Variants in SEPTIN3 observed in about 807,000 individuals in gnomAD.
The protein encoded by SEPTIN3 is neuronal-specific septin-3.
A neutral mutation model predicts 45.1 loss-of-function variants in SEPTIN3; 15 were observed. That is an observed-to-expected ratio of 0.33 (90% CI 0.22 to 0.51). The LOEUF is 0.51. SEPTIN3 is among the 20% of genes least tolerant of loss of function. The pLI, the probability that SEPTIN3 is intolerant of heterozygous loss-of-function variation, is 0.97. For synonymous variants in SEPTIN3, 148 were observed against 164.8 expected, an observed-to-expected ratio of 0.90 and a Z score of 0.78; for missense variants, 289 against 457.2, an observed-to-expected ratio of 0.63 and a Z score of 3.35.
chr22:41,994,448 C>G lies in SEPTIN3; in HGVS notation c.2411+107C>G, dbSNP rs566730621. 2.0e-6 allele frequency: 3 copies of G among 1,499,076 alleles called. No homozygotes were observed. Among genetic ancestry groups the G allele is most frequent in the African/African-American group, 1.4e-5 (1 of 72,320 alleles). 92.9% of individuals were successfully genotyped at this position (1,499,076 alleles called of 1,614,324 possible). On this transcript the variant is annotated intron_variant, in intron 10 of 11. Coordinates refer to ENST00000644076, the MANE Select transcript of SEPTIN3 (RefSeq NM_001363845.2). This position sits in a 1 kb window ranked among gnomAD's most constrained non-coding sequence, Gnocchi z 4.2. ...GCATCTCCAGGTCTCTCTGACAGAGCTTTCTGCCCCAGTTCCAGCTCCTGT... is the reference window on the plus strand; with the variant it reads ...GCATCTCCAGGTCTCTCTGACAGAGGTTTCTGCCCCAGTTCCAGCTCCTGT...
chr22:41,995,880 A>G, intron 11 of SEPTIN3: 1 of 931,870 alleles, frequency 1.1e-6, no homozygotes, highest in South Asian at 5.0e-5. Flanking sequence ...TTATTGGGAC[A>G]TCAGGTTCTA....
intron 7 of SEPTIN3, among the ~76,000 whole-genome samples, chr22:41,990,672 A>G (rs540163632): frequency 3.0e-4 from 43 of 144,028 alleles, no homozygotes; most frequent in African/African-American, 1.1e-3. Flanking sequence ...CATGAACCCG[A>G]GAGGCGGCGC....
chr22:41,970,332 A>T (rs1329625259), intron 1 of SEPTIN3, among the ~76,000 whole-genome samples: 1 of 151,086 alleles, frequency 6.6e-6, no homozygotes, highest in Non-Finnish European at 1.5e-5. Context: ...CTTTGTGCCC[A>T]CTCCCTACCC....
Position 41,991,609 on chromosome 22 carries a change from T to C in SEPTIN3, c.2200T>C (p.Tyr734His). 6.2e-7 allele frequency: 1 copy of C among 1,613,990 alleles called. No individual in the cohort carries two copies. The highest frequency in any genetic ancestry group is 2.2e-5 in the East Asian group (1 of 44,886). ...KELEVNGIEF[Y>H]PQKEFDEDLE... Reference sequence around the variant, plus strand: ...GCTTGAAGTAAATGGCATTGAATTCTACCCCCAGAAGGAATTTGATGAGGA... The same window carrying C: ...GCTTGAAGTAAATGGCATTGAATTCCACCCCCAGAAGGAATTTGATGAGGA... The change falls in exon 8 of 12, where the codon TAC (tyrosine) becomes CAC (histidine). Residue 734 changes from tyrosine (Y) to histidine (H), a missense_variant. By Grantham distance (83) the Tyr-to-His change is moderately conservative. Around this residue, in one of 3 missense-constraint regions of SEPTIN3, gnomAD observed 200 missense variants for 315.1 expected, o/e 0.63. Transcript: ENST00000644076.
chr22:41,983,536 G>C (rs1278289733), intron 3 of SEPTIN3, among the ~76,000 whole-genome samples: 1 of 152,204 alleles, frequency 6.6e-6, no homozygotes, highest in Non-Finnish European at 1.5e-5. Flanking sequence ...AGACTGTCCT[G>C]ATTGTACCTC....
At chr22:41,987,438 C>A in intron 5 of SEPTIN3, 151 bp downstream of exon 5, 1 of 1,086,784 alleles carries the variant, frequency 9.2e-7, no homozygotes, top group South Asian at 1.6e-5. Flanking sequence ...GAGCTCCACC[C>A]CTGCTAACTA....
rs1266185972 is a variant in SEPTIN3 at position 41,969,466 on chromosome 22, CG to C, written c.-227del. 2.0e-5 allele frequency: 3 copies of C among 152,178 alleles called. No individual in the cohort carries two copies. The East Asian group carries it at 5.8e-4, about 29-fold the overall frequency. The allele number at this position is 152,178 out of a possible 1,614,324, so 9.4% of individuals were successfully genotyped here. On this transcript the variant is annotated 5_prime_UTR_variant, in exon 1 of 12. Coordinates refer to ENST00000644076, the MANE Select transcript of SEPTIN3 (RefSeq NM_001363845.2). ...CCAGAGCCCAGCCCAGCACGGTCTC[CG>C]GGGATGTAGCTGGTGGGACAGTGAG...
chr22:41,995,657 C>T (rs2078420756), intron 11 of SEPTIN3: 1 of 985,246 alleles, frequency 1.0e-6, no homozygotes, highest in Admixed American at 6.1e-5. Flanking sequence ...GACTGCCTTT[C>T]ACATAAAATC....
chr22:41,991,478 G>C (rs1218208533), intron 7 of SEPTIN3, 95 bp from the exon 8 acceptor site: 5 of 846,556 alleles, frequency 5.9e-6, no homozygotes, highest in African/African-American at 3.3e-5. Context: ...GGCTGGATTT[G>C]GCTCTCTGAC....
At position 41,976,344 on chromosome 22, in the gene SEPTIN3, T is replaced by C. The variant is rs542726566; in HGVS notation, c.1504+3348T>C. The C allele has an allele frequency of 2.0e-5, 3 of 152,402 alleles. No individual in the cohort carries two copies. The South Asian group carries it at 6.2e-4, about 32-fold the overall frequency. The allele number at this position is 152,402 out of a possible 1,614,324, so 9.4% of individuals were successfully genotyped here. ...TGAGGCAATATGCTGTCCATTAGTA[T>C]CCACTGAATGCGTGAAATTTTTTTC... On this transcript the variant is annotated intron_variant, in intron 2 of 11. Transcript: ENST00000644076. The surrounding 1 kb of genome is among the most constrained non-coding windows in gnomAD (Gnocchi z 5.8).
At chr22:41,993,783 A>G (rs1431199757) in intron 9 of SEPTIN3, among the ~76,000 whole-genome samples, 1 of 152,170 alleles carries the variant, frequency 6.6e-6, no homozygotes, top group Non-Finnish European at 1.5e-5. Flanking sequence ...CATGAGCCAC[A>G]GCGCCTGGCC....
rs948603033 is a variant in SEPTIN3, at chr22:41,974,678, G to GA, written c.1504+1690dup. Among the ~76,000 whole-genome samples, 6 of 135,156 alleles carry GA rather than the reference G, an allele frequency of 4.4e-5. No individual in the cohort carries two copies. The South Asian group carries it at 1.2e-3, about 27-fold the overall frequency. 88.7% of individuals were successfully genotyped at this position (135,156 alleles called of 152,430 possible). On this transcript the variant is annotated intron_variant, in intron 2 of 11. Coordinates refer to ENST00000644076, the MANE Select transcript of SEPTIN3 (RefSeq NM_001363845.2). The stretch of plus-strand genomic sequence containing the variant: ...ACTCCGTCTCAAAAAAAAAAAAAAA[G>GA]AAAAAAAACTAGCCTGGCCAACATG...
chr22:41,989,737 G>T, intron 7 of SEPTIN3, 53 bp downstream of exon 7: 1 of 1,221,994 alleles, frequency 8.2e-7, no homozygotes, highest in South Asian at 1.2e-5. Context: ...CTTTCTCTCC[G>T]CTGGGTTCAG....
intron 11 of SEPTIN3, chr22:41,995,372 C>T (rs1602425571): frequency 2.0e-6 from 2 of 987,310 alleles, no homozygotes; most frequent in Non-Finnish European, 2.4e-6. Flanking sequence ...TGGAGCTCCA[C>T]CCTTCAGTCT....
chr22:41,981,528 TC>T, intron 2 of SEPTIN3, 116 bp from the exon 3 acceptor site: 1 of 798,188 alleles, frequency 1.3e-6, no homozygotes, highest in South Asian at 1.8e-5. Flanking sequence ...GATACTAAGA[TC>T]CCTTCCAGGC....
At chr22:41,995,279 G>A (rs1351072189) in intron 11 of SEPTIN3, 2 of 989,940 alleles carry the variant, frequency 2.0e-6, no homozygotes, top group Non-Finnish European at 2.4e-6. Context: ...TAAGGCTGGG[G>A]CTTCCTGGGA....
chr22:41,975,084 T>A (rs1032048580), intron 2 of SEPTIN3, among the ~76,000 whole-genome samples: 8 of 152,130 alleles, frequency 5.3e-5, no homozygotes, highest in African/African-American at 1.9e-4. Context: ...GTCTCTTTCT[T>A]GGTCCCCCAC....
intron 11 of SEPTIN3, chr22:41,996,232 T>G: frequency 1.0e-6 from 1 of 985,058 alleles, no homozygotes; most frequent in Non-Finnish European, 1.2e-6. Context: ...TATTAATGCA[T>G]ATATTTCCCC....
chr22:41,973,848 GCACA>G (rs2077985938), intron 2 of SEPTIN3, among the ~76,000 whole-genome samples: 31 of 152,004 alleles, frequency 2.0e-4, no homozygotes, highest in African/African-American at 7.5e-4. Flanking sequence ...AGGTGTGGTG[GCACA>G]TGCCTGTAGT....
Sources: allele counts gnomAD v4.1 joint callset (sites outside exome capture counted in the v4.1 genomes callset), GRCh38; gene constraint gnomAD v4.1.1; regional missense constraint gnomAD v4.1.1; non-coding constraint Gnocchi (gnomAD v3.1); transcripts MANE v1.5; gene names NCBI Gene and HGNC (gene_info 2026-07-23, HGNC 2026-07-21).